The following TBC1D2B variants were observed in gnomAD, a reference collection of about 807,000 sequenced individuals.
TBC1D2B encodes the protein TBC1 domain family, member 2B.
In TBC1D2B, 64 loss-of-function variants were observed where a neutral mutation model predicts 100.8. The observed-to-expected ratio is 0.64, with a 90% CI of 0.52 to 0.78. TBC1D2B has a LOEUF of 0.78. Ranked by LOEUF, TBC1D2B falls within the 30% of genes least tolerant of loss-of-function variation. The pLI is 0.00. For missense variants in TBC1D2B, 1,052 were observed against 1,218.4 expected (o/e 0.86, Z 2.03); for synonymous variants, 480 against 479.7 (o/e 1.00, Z -0.01).
intron 1 of TBC1D2B, among the ~76,000 whole-genome samples, chr15:78,062,954 A>G (rs2073578610): frequency 6.6e-6 from 1 of 152,206 alleles, no homozygotes; most frequent in African/African-American, 2.4e-5. Context: ...TATGTTACAT[A>G]AATTGTCTGG....
At chr15:78,064,755 G>GAA (rs34249742) in intron 1 of TBC1D2B, among the ~76,000 whole-genome samples, 56 of 150,052 alleles carry the variant, frequency 3.7e-4, no homozygotes, top group East Asian at 3.5e-3. Context: ...AGCACCAATG[G>GAA]AAAAAAAAAA....
intron 5 of TBC1D2B, 42 bp from the exon 6 acceptor site, chr15:78,024,581 AAGGAG>A: frequency 6.5e-7 from 1 of 1,540,194 alleles, no homozygotes; most frequent in Non-Finnish European, 8.8e-7. Context: ...TGAAAAGAGC[AAGGAG>A]AGGAGGAAAA....
chr15:78,024,672 T>C, intron 5 of TBC1D2B, 133 bp from the exon 6 acceptor site: 1 of 815,008 alleles, frequency 1.2e-6, no homozygotes, highest in Non-Finnish European at 1.9e-6. Flanking sequence ...AACATTTTAA[T>C]ACTGAACTTC....
chr15:78,023,503 C>T (rs769463595), intron 6 of TBC1D2B, among the ~76,000 whole-genome samples: 3 of 152,204 alleles, frequency 2.0e-5, no homozygotes, highest in Non-Finnish European at 4.4e-5. Context: ...GTGTGTTCCT[C>T]CTACCGCATC....
chr15:78,006,486 G>A (rs1192679794), intron 10 of TBC1D2B, among the ~76,000 whole-genome samples: 2 of 152,252 alleles, frequency 1.3e-5, no homozygotes, highest in Non-Finnish European at 2.9e-5. Context: ...AACTGGGACA[G>A]GGACCTGAAG....
intron 1 of TBC1D2B, among the ~76,000 whole-genome samples, chr15:78,076,013 G>T (rs1037837000): frequency 2.6e-5 from 4 of 152,186 alleles, no homozygotes; most frequent in Non-Finnish European, 5.9e-5. Flanking sequence ...CTGGAATACG[G>T]AAGAGGAGTG....
intron 3 of TBC1D2B, among the ~76,000 whole-genome samples, chr15:78,031,079 T>C (rs1185215887): frequency 1.3e-5 from 2 of 152,078 alleles, no homozygotes; most frequent in Non-Finnish European, 1.5e-5. Flanking sequence ...AAAAAGAAAA[T>C]GGAAGAATTA....
In TBC1D2B at chr15:78,044,243, T is replaced by C. The variant is rs139213053; in HGVS notation, c.683+657A>G. The stretch of plus-strand genomic sequence containing the variant: ...GAATATACCAAAAATCATTGAATTG[T>C]ACATTTTAAATGGGTGAATTGTACA... On this transcript the variant is annotated intron_variant, in intron 3 of 12. Coordinates refer to ENST00000300584, the MANE Select transcript of TBC1D2B (RefSeq NM_144572.2). 1.7e-3 allele frequency among the ~76,000 whole-genome samples: 260 copies of C among 152,284 alleles called. 2 individuals carry two copies. Among genetic ancestry groups the C allele is most frequent in the Non-Finnish European group, 2.5e-3 (173 of 68,016 alleles).
At chr15:78,051,308 T>C (rs1173516685) in intron 2 of TBC1D2B, among the ~76,000 whole-genome samples, 2 of 152,220 alleles carry the variant, frequency 1.3e-5, no homozygotes, top group Non-Finnish European at 2.9e-5. Flanking sequence ...CATATGGCTC[T>C]TTACACTTAA....
At chr15:78,068,057 T>C (rs901949417) in intron 1 of TBC1D2B, among the ~76,000 whole-genome samples, 1 of 152,182 alleles carries the variant, frequency 6.6e-6, no homozygotes, top group Non-Finnish European at 1.5e-5. Flanking sequence ...CCCCCTCCCC[T>C]TCCTTTACTA....
At chr15:78,037,735 T>G (rs1301596284) in intron 3 of TBC1D2B, among the ~76,000 whole-genome samples, 1 of 151,818 alleles carries the variant, frequency 6.6e-6, no homozygotes, top group African/African-American at 2.4e-5. Context: ...AATTAAGGAG[T>G]GAGGAAATCA....
At chr15:78,074,179 T>C (rs2073789713) in intron 1 of TBC1D2B, among the ~76,000 whole-genome samples, 2 of 151,662 alleles carry the variant, frequency 1.3e-5, no homozygotes, top group East Asian at 2.0e-4. Flanking sequence ...TGCGCCACCA[T>C]GCCCAGCCAA....
At chr15:78,028,241 G>A (rs962823124) in intron 4 of TBC1D2B, among the ~76,000 whole-genome samples, 6 of 152,140 alleles carry the variant, frequency 3.9e-5, no homozygotes, top group Admixed American at 1.3e-4. Context: ...TTGGGAGACC[G>A]AGGTGGACAA....
At chr15:78,012,225 A>C (rs1188546034) in intron 9 of TBC1D2B, among the ~76,000 whole-genome samples, 1 of 152,208 alleles carries the variant, frequency 6.6e-6, no homozygotes, top group African/African-American at 2.4e-5. Context: ...CTTTGTGGGG[A>C]GCAAACCTCA....
intron 6 of TBC1D2B, 129 bp downstream of exon 6, chr15:78,024,027 C>T: frequency 1.6e-6 from 2 of 1,221,014 alleles, no homozygotes; most frequent in Non-Finnish European, 2.2e-6. Flanking sequence ...TCCTGTTACA[C>T]TTGTGGGGAA....
chr15:78,014,839 ATC>A (rs2072327333), intron 8 of TBC1D2B, among the ~76,000 whole-genome samples: 1 of 152,266 alleles, frequency 6.6e-6, no homozygotes, highest in Non-Finnish European at 1.5e-5. Context: ...AAAAGGTATC[ATC>A]AGTCAGAAAT....
At chr15:78,025,120 T>TG in intron 5 of TBC1D2B, 139 bp downstream of exon 5, 1 of 685,056 alleles carries the variant, frequency 1.5e-6, no homozygotes, top group South Asian at 1.9e-5. Flanking sequence ...CATGGCAATA[T>TG]GAAACCTCCA....
At chr15:78,034,863 G>A (rs2072909669) in intron 3 of TBC1D2B, 1 of 392,640 alleles carries the variant, frequency 2.5e-6, no homozygotes, top group Non-Finnish European at 3.5e-6. Flanking sequence ...TGCAACAAGG[G>A]GGTCATTACA....
chr15:78,077,153 TG>T, intron 1 of TBC1D2B, 139 bp downstream of exon 1: 1 of 1,174,268 alleles, frequency 8.5e-7, no homozygotes, highest in Non-Finnish European at 1.1e-6. Context: ...GGGCGGGATG[TG>T]GAGAAGCAGG....
Sources: gnomAD v4.1 joint callset for allele counts (sites outside exome capture counted in the v4.1 genomes callset) on GRCh38, gnomAD v4.1.1 for gene constraint, MANE v1.5 for transcripts, NCBI Gene and HGNC (gene_info 2026-07-23, HGNC 2026-07-21) for gene names.